The following PITPNC1 variants were observed in gnomAD, a reference collection of about 807,000 sequenced individuals.
PITPNC1 encodes the protein cytoplasmic phosphatidylinositol transfer protein 1.
A neutral mutation model predicts 44.7 loss-of-function variants in PITPNC1; 18 were observed. The observed-to-expected ratio is 0.40, with a 90% CI of 0.28 to 0.60. The LOEUF (loss-of-function observed/expected upper bound fraction) is 0.60, where lower values mean the gene tolerates loss of function less well. Among genes scored for constraint, PITPNC1 ranks in the 20% least tolerant of loss-of-function variants. The pLI is 0.39. For missense variants in PITPNC1, 290 were observed against 418.4 expected, an observed-to-expected ratio of 0.69 and a Z score of 2.68; for synonymous variants, 141 against 149.6, an observed-to-expected ratio of 0.94 and a Z score of 0.42.
chr17:67,555,549 G>A (rs1216761496), intron 4 of PITPNC1, among the ~76,000 whole-genome samples: 1 of 151,868 alleles, frequency 6.6e-6, no homozygotes, highest in African/African-American at 2.4e-5. Context: ...ACTTTGGGCC[G>A]GGTGCAGTGG....
chr17:67,442,786 G>A (rs1221270814), intron 1 of PITPNC1, among the ~76,000 whole-genome samples: 2 of 151,860 alleles, frequency 1.3e-5, no homozygotes, highest in Admixed American at 6.6e-5. Flanking sequence ...ACCAGGAGAC[G>A]AAGGGTTGCA....
chr17:67,692,172 T>C (rs2625566), intron 8 of PITPNC1, among the ~76,000 whole-genome samples: 102,605 of 151,984 alleles, frequency 0.68, 35,704 homozygotes, highest in East Asian at 0.89. Context: ...TTATGAAAAA[T>C]ATGACCAGTT....
At chr17:67,479,102 T>C (rs1410762452) in intron 1 of PITPNC1, among the ~76,000 whole-genome samples, 1 of 152,042 alleles carries the variant, frequency 6.6e-6, no homozygotes. Context: ...CCCCCAATAT[T>C]TAACCAGCAA....
chr17:67,384,245 A>T (rs1248761067), intron 1 of PITPNC1, among the ~76,000 whole-genome samples: 1 of 152,118 alleles, frequency 6.6e-6, no homozygotes, highest in Non-Finnish European at 1.5e-5. Context: ...CAACTTTTTC[A>T]TACAGAATAT....
At chr17:67,654,351 A>AT (rs1232553522) in intron 6 of PITPNC1, among the ~76,000 whole-genome samples, 4 of 152,270 alleles carry the variant, frequency 2.6e-5, no homozygotes, top group Non-Finnish European at 5.9e-5. Flanking sequence ...GGGCAGTCAT[A>AT]TTTTTTATTT....
intron 5 of PITPNC1, among the ~76,000 whole-genome samples, chr17:67,598,006 G>T (rs189126491): frequency 6.6e-6 from 1 of 152,188 alleles, no homozygotes; most frequent in East Asian, 1.9e-4. Context: ...GGCGGATCAC[G>T]AGGTCAGGAG....
chr17:67,504,727 T>C (rs2040078886), intron 1 of PITPNC1, among the ~76,000 whole-genome samples: 1 of 152,226 alleles, frequency 6.6e-6, no homozygotes, highest in African/African-American at 2.4e-5. Context: ...TTCTCTGTTA[T>C]TTTTCTATTC....
chr17:67,518,664 A>C (rs1015628510), intron 1 of PITPNC1, among the ~76,000 whole-genome samples: 7 of 150,954 alleles, frequency 4.6e-5, no homozygotes, highest in East Asian at 1.9e-4. Context: ...AACAAACAAA[A>C]AAAGGAAAAT....
rs149306924 is a variant in PITPNC1, at chr17:67,561,215, G to A, written c.294+7598G>A. 3.6e-3 allele frequency among the ~76,000 whole-genome samples: 555 copies of A among 152,294 alleles called. 6 individuals are homozygous for A. Among genetic ancestry groups the A allele is most frequent in the African/African-American group, 0.012 (487 of 41,566 alleles). ...TCATGCCTGTAATCTCAACACTCTG[G>A]GAGGCCGAGGCAGGTGGATCACTTG... On this transcript the variant is annotated intron_variant, in intron 4 of 8. Coordinates refer to ENST00000581322, the MANE Select transcript of PITPNC1 (RefSeq NM_012417.4).
intron 1 of PITPNC1, among the ~76,000 whole-genome samples, chr17:67,409,311 C>T (rs1354578808): frequency 6.6e-6 from 1 of 151,442 alleles, no homozygotes; most frequent in Non-Finnish European, 1.5e-5. Flanking sequence ...GTCTCGATCT[C>T]CTGACCTCAT....
At chr17:67,432,850 G>C (rs2038876489) in intron 1 of PITPNC1, among the ~76,000 whole-genome samples, 1 of 152,168 alleles carries the variant, frequency 6.6e-6, no homozygotes, top group South Asian at 2.1e-4. Context: ...GCTTACCACT[G>C]TTTATTGAGT....
At chr17:67,567,236 A>C (rs2144204795) in intron 4 of PITPNC1, among the ~76,000 whole-genome samples, 1 of 152,336 alleles carries the variant, frequency 6.6e-6, no homozygotes, top group East Asian at 1.9e-4. Flanking sequence ...CTGTAATCCC[A>C]GCACTTTGGG....
intron 1 of PITPNC1, among the ~76,000 whole-genome samples, chr17:67,429,314 A>G (rs1407777158): frequency 1.3e-5 from 2 of 152,240 alleles, no homozygotes; most frequent in African/African-American, 4.8e-5. Flanking sequence ...AGTGGTTGCC[A>G]GTCTTGTATT....
chr17:67,393,228 A>G (rs2038164759), intron 1 of PITPNC1, among the ~76,000 whole-genome samples: 1 of 152,006 alleles, frequency 6.6e-6, no homozygotes, highest in South Asian at 2.1e-4. Context: ...AATTGGGTAC[A>G]CTTACATTGT....
At chr17:67,445,638 G>A (rs1391497822) in intron 1 of PITPNC1, among the ~76,000 whole-genome samples, 1 of 151,982 alleles carries the variant, frequency 6.6e-6, no homozygotes, top group Non-Finnish European at 1.5e-5. Context: ...TCGTTAGTTG[G>A]GGAGAAATGA....
intron 1 of PITPNC1, among the ~76,000 whole-genome samples, chr17:67,446,286 C>T (rs2039093296): frequency 1.3e-5 from 2 of 151,966 alleles, no homozygotes; most frequent in Middle Eastern, 3.4e-3. Flanking sequence ...GTCCTGAGGT[C>T]ACAAGTGGTA....
intron 1 of PITPNC1, among the ~76,000 whole-genome samples, chr17:67,413,911 T>A (rs2038547910): frequency 6.6e-6 from 1 of 152,152 alleles, no homozygotes; most frequent in Admixed American, 6.6e-5. Context: ...GGACCTAGGC[T>A]TAGACAAAGT....
At chr17:67,464,643 A>G (rs1361920426) in intron 1 of PITPNC1, among the ~76,000 whole-genome samples, 3 of 152,228 alleles carry the variant, frequency 2.0e-5, no homozygotes, top group African/African-American at 7.2e-5. Flanking sequence ...GATGGAAGCT[A>G]ATTTAAAAAG....
chr17:67,525,606 A>C (rs12600425), intron 1 of PITPNC1, among the ~76,000 whole-genome samples: 7,306 of 152,254 alleles, frequency 0.048, 271 homozygotes, highest in East Asian at 0.11. Context: ...TGTAATTAGA[A>C]TTTTGACACC....
Sources: allele counts gnomAD v4.1 joint callset (sites outside exome capture counted in the v4.1 genomes callset), GRCh38; gene constraint gnomAD v4.1.1; transcripts MANE v1.5; gene names NCBI Gene and HGNC (gene_info 2026-07-23, HGNC 2026-07-21).